Variants in WIPF1 observed in about 807,000 individuals in gnomAD.
WIPF1 encodes WAS/WASL-interacting protein family member 1.
Under a neutral mutation model 35.4 loss-of-function variants are expected in WIPF1, and 13 were observed. The ratio of observed to expected loss-of-function variants is 0.37; its 90% CI spans 0.24 to 0.58. The LOEUF (loss-of-function observed/expected upper bound fraction) is 0.58, where lower values mean the gene tolerates loss of function less well. Among genes scored for constraint, WIPF1 ranks in the 20% least tolerant of loss-of-function variants. The probability of loss-of-function intolerance (pLI) is 0.74; values close to 1 mark genes in which losing one functional copy is unlikely to be tolerated. For missense variants in WIPF1, 591 were observed against 667.0 expected (o/e 0.89, Z 1.25); for synonymous variants, 267 against 266.3 (o/e 1.00, Z -0.02).
intron 1 of WIPF1, among the ~76,000 whole-genome samples, chr2:174,678,702 A>G (rs1688185603): frequency 6.6e-6 from 1 of 152,262 alleles, no homozygotes; most frequent in South Asian, 2.1e-4. Flanking sequence ...CCAGTGTCAA[A>G]GGGCCAGGAA....
At chr2:174,595,180 A>G (rs1475217183) in intron 1 of WIPF1, among the ~76,000 whole-genome samples, 1 of 136,304 alleles carries the variant, frequency 7.3e-6, no homozygotes, top group Non-Finnish European at 1.5e-5. Context: ...AGTTCCAGCT[A>G]CTTGGGAGGC....
chr2:174,647,010 G>A (rs1181431855), intron 1 of WIPF1, among the ~76,000 whole-genome samples: 2 of 152,160 alleles, frequency 1.3e-5, no homozygotes, highest in Non-Finnish European at 2.9e-5. Context: ...GAGAGGTACA[G>A]TCTAGCTAGA....
intron 1 of WIPF1, among the ~76,000 whole-genome samples, chr2:174,588,895 T>A (rs566169525): frequency 1.3e-5 from 2 of 152,196 alleles, no homozygotes; most frequent in African/African-American, 4.8e-5. Context: ...TGCGAACTTG[T>A]TTGCATGGCT....
chr2:174,623,191 A>C (rs79387523), intron 1 of WIPF1, among the ~76,000 whole-genome samples: 2,151 of 152,316 alleles, frequency 0.014, 59 homozygotes, highest in African/African-American at 0.049. Flanking sequence ...TAGTTAGTCT[A>C]TTGTTGTGTA....
chr2:174,646,879 T>C (rs1687421142), intron 1 of WIPF1, among the ~76,000 whole-genome samples: 1 of 152,146 alleles, frequency 6.6e-6, no homozygotes, highest in South Asian at 2.1e-4. Flanking sequence ...CCTCCCAAAG[T>C]GCTGAAACTA....
intron 4 of WIPF1, 126 bp downstream of exon 4, chr2:174,575,078 G>A: frequency 9.6e-7 from 1 of 1,046,142 alleles, no homozygotes; most frequent in South Asian, 1.4e-5. Flanking sequence ...ATAAAACAGT[G>A]GTAATATTTA....
At chr2:174,682,461 G>C (rs1240913652) in intron 1 of WIPF1, among the ~76,000 whole-genome samples, 1 of 152,146 alleles carries the variant, frequency 6.6e-6, no homozygotes, top group Non-Finnish European at 1.5e-5. Context: ...GCGGCCCCGG[G>C]TCCGCGGAGT....
intron 1 of WIPF1, among the ~76,000 whole-genome samples, chr2:174,636,218 T>C (rs1349869403): frequency 6.6e-6 from 1 of 152,232 alleles, no homozygotes; most frequent in Non-Finnish European, 1.5e-5. Flanking sequence ...GCCAGTTCCA[T>C]TTTTCAACTA....
chr2:174,670,901 G>A (rs536614170), intron 1 of WIPF1, among the ~76,000 whole-genome samples: 14 of 152,316 alleles, frequency 9.2e-5, no homozygotes, highest in Non-Finnish European at 1.0e-4. Flanking sequence ...ACTGTACAAA[G>A]TATTCATTAG....
Position 174,562,281 on chromosome 2 carries a change from A to G in WIPF1, c.*266T>C. 3 of 1,525,344 alleles carry G rather than the reference A, an allele frequency of 2.0e-6. No homozygotes were observed. Among genetic ancestry groups the G allele is most frequent in the Non-Finnish European group, 2.6e-6 (3 of 1,132,934 alleles). 94.5% of individuals were successfully genotyped at this position (1,525,344 alleles called of 1,614,324 possible). On this transcript the variant is annotated 3_prime_UTR_variant, in exon 8 of 8. Transcript: ENST00000679041. ...GCTGGGATGCAAGTCATCTCTGCCT[A>G]TTACGACAAAAGCCTATCGACCCCA...
intron 1 of WIPF1, among the ~76,000 whole-genome samples, chr2:174,653,684 G>A (rs1490452305): frequency 6.7e-6 from 1 of 149,692 alleles, no homozygotes; most frequent in Admixed American, 6.7e-5. Context: ...GGAGCTTGCA[G>A]TGAGCCGAGA....
intron 1 of WIPF1, among the ~76,000 whole-genome samples, chr2:174,680,092 T>C (rs1688217265): frequency 1.3e-5 from 2 of 152,248 alleles, no homozygotes; most frequent in Admixed American, 1.3e-4. Context: ...ATTTGGTCTG[T>C]ACCTTTTTTA....
chr2:174,582,232 T>TA (rs1438906615), intron 2 of WIPF1, among the ~76,000 whole-genome samples: 2 of 152,212 alleles, frequency 1.3e-5, no homozygotes, highest in Non-Finnish European at 1.5e-5. Context: ...ATTATTTTCT[T>TA]ATATTTCCAG....
intron 1 of WIPF1, among the ~76,000 whole-genome samples, chr2:174,660,217 A>C (rs1687728772): frequency 6.6e-6 from 1 of 152,182 alleles, no homozygotes; most frequent in South Asian, 2.1e-4. Flanking sequence ...CAGTGGGTGG[A>C]ATTCTTCTTC....
intron 1 of WIPF1, among the ~76,000 whole-genome samples, chr2:174,632,289 T>C (rs1687046213): frequency 6.6e-6 from 1 of 152,192 alleles, no homozygotes; most frequent in Non-Finnish European, 1.5e-5. Flanking sequence ...AGCCATTTTT[T>C]GCATCTCAAA....
At chr2:174,611,218 T>G (rs1022773483) in intron 1 of WIPF1, among the ~76,000 whole-genome samples, 4 of 152,146 alleles carry the variant, frequency 2.6e-5, no homozygotes, top group Non-Finnish European at 5.9e-5. Flanking sequence ...GGTGTTCATT[T>G]AGGCCCAGCT....
chr2:174,635,493 T>A (rs1687157519), intron 1 of WIPF1, among the ~76,000 whole-genome samples: 1 of 150,882 alleles, frequency 6.6e-6, no homozygotes, highest in African/African-American at 2.4e-5. Context: ...GCACCATATC[T>A]AGCTTTCTTG....
At chr2:174,670,189 C>A (rs985409304) in intron 1 of WIPF1, among the ~76,000 whole-genome samples, 1 of 152,072 alleles carries the variant, frequency 6.6e-6, no homozygotes, top group African/African-American at 2.4e-5. Flanking sequence ...CACTCCCTGC[C>A]CCCCCATCCC....
chr2:174,609,238 A>G (rs1228387981), intron 1 of WIPF1, among the ~76,000 whole-genome samples: 2 of 152,270 alleles, frequency 1.3e-5, no homozygotes, highest in African/African-American at 4.8e-5. Context: ...GATGTGGTTG[A>G]AAAAACTATT....
Sources: allele counts gnomAD v4.1 joint callset (sites outside exome capture counted in the v4.1 genomes callset), GRCh38; gene constraint gnomAD v4.1.1; transcripts MANE v1.5; gene names NCBI Gene and HGNC (gene_info 2026-07-23, HGNC 2026-07-21).